Variants in NHSL1 observed in about 807,000 individuals in gnomAD.
NHSL1 encodes the protein NHS-like protein 1.
NHSL1 carries 48 observed loss-of-function variants against 95.0 expected under a neutral mutation model. The ratio of observed to expected loss-of-function variants is 0.51; its 90% CI spans 0.40 to 0.64. The LOEUF (loss-of-function observed/expected upper bound fraction) is 0.64. Ranked by LOEUF, NHSL1 falls within the 30% of genes least tolerant of loss-of-function variation. The probability of loss-of-function intolerance (pLI) is 0.00; values close to 1 mark genes in which losing one functional copy is unlikely to be tolerated. For missense variants in NHSL1, 1,971 were observed against 2,077.7 expected, an observed-to-expected ratio of 0.95 and a Z score of 1.00; for synonymous variants, 783 against 833.9, an observed-to-expected ratio of 0.94 and a Z score of 1.05.
chr6:138,543,547 G>A (rs1294047210), intron 1 of NHSL1, among the ~76,000 whole-genome samples: 1 of 152,118 alleles, frequency 6.6e-6, no homozygotes, highest in Non-Finnish European at 1.5e-5. Context: ...AAACACACAG[G>A]AACATGATTT....
At chr6:138,646,590 C>G (rs1017508069) in intron 1 of NHSL1, among the ~76,000 whole-genome samples, 5 of 152,154 alleles carry the variant, frequency 3.3e-5, no homozygotes, top group Non-Finnish European at 7.3e-5. Flanking sequence ...GAATACACAA[C>G]TCCCTCAATA....
chr6:138,424,747 C>A lies in NHSL1; in HGVS notation c.4155G>T (p.Pro1385=), dbSNP rs924857830. 3 of 1,551,084 alleles carry A rather than the reference C, an allele frequency of 1.9e-6. No homozygotes were observed. The highest frequency in any genetic ancestry group is 2.6e-6 in the Non-Finnish European group (3 of 1,146,728). The change falls in exon 8 of 8, where the codon CCG becomes CCT. Residue 1385 remains proline (P), a synonymous_variant. Coordinates refer to ENST00000343505, the MANE Select transcript of NHSL1 (RefSeq NM_001144060.2). The surrounding 1 kb of genome is among the most constrained non-coding windows in gnomAD (Gnocchi z 5.9). ...GGGCAGCGCCGGTGGGTGTCACGGG[C>A]GGGGAGGGAGAATGGTTTCGGGAGT... The part of the protein sequence containing the change: ...DDHSRNHSPS[P]PVTPTGAAPS...
chr6:138,665,330 A>G (rs1484352027), intron 1 of NHSL1, among the ~76,000 whole-genome samples: 1 of 152,180 alleles, frequency 6.6e-6, no homozygotes, highest in African/African-American at 2.4e-5. Flanking sequence ...TCATATTGCC[A>G]ACATCCTGCT....
intron 2 of NHSL1, among the ~76,000 whole-genome samples, chr6:138,491,074 T>C (rs947304958): frequency 8.5e-5 from 13 of 152,222 alleles, no homozygotes; most frequent in African/African-American, 2.9e-4. Context: ...CCCTCTGACT[T>C]TGAATGACAT....
In NHSL1 at chr6:138,431,734, A is replaced by AT; in HGVS notation, c.2610dup (p.Ser871IlefsTer38). ...CCCTTCCCGTTTGCTGGTGACACTG[A>AT]TTTTAAAAACACAGGCACAGGGGTG... On this transcript the variant is annotated frameshift_variant, in exon 6 of 8. Transcript: ENST00000343505. LOFTEE classifies it high-confidence loss of function. This position sits in a 1 kb window ranked among gnomAD's most constrained non-coding sequence, Gnocchi z 4.0. 6.4e-7 allele frequency: 1 copy of AT among 1,551,712 alleles called. No individual in the cohort carries two copies. Among genetic ancestry groups the AT allele is most frequent in the Non-Finnish European group, 8.7e-7 (1 of 1,146,986 alleles).
rs928453619 is a variant in NHSL1, at chr6:138,692,346, C to T, written c.96+130G>A. The T allele has an allele frequency of 2.9e-6, 1 of 345,954 alleles. No individual in the cohort carries two copies. The highest frequency in any genetic ancestry group is 5.7e-6 in the Non-Finnish European group (1 of 175,720). 21.4% of individuals were successfully genotyped at this position (345,954 alleles called of 1,614,324 possible). On this transcript the variant is annotated intron_variant, in intron 1 of 3. Coordinates refer to the NHSL1 transcript ENST00000491526. This position sits in a 1 kb window ranked among gnomAD's most constrained non-coding sequence, Gnocchi z 4.0. ...CCTCCCGCTGGGGTCCGGCAGTCCC[C>T]ACTGGAGACCCCGACATCGCGGGGC... is the stretch of plus-strand genomic sequence containing the variant.
chr6:138,549,511 G>A (rs549898870), upstream of NHSL1, among the ~76,000 whole-genome samples: 2 of 152,272 alleles, frequency 1.3e-5, no homozygotes, highest in African/African-American at 4.8e-5. Context: ...GGAAGAGGCA[G>A]GACAGAATTC....
At chr6:138,631,899 G>A (rs1784824619) in intron 1 of NHSL1, among the ~76,000 whole-genome samples, 1 of 152,146 alleles carries the variant, frequency 6.6e-6, no homozygotes, top group African/African-American at 2.4e-5. Flanking sequence ...CGGGGAGGTA[G>A]AGCACCAAGT....
chr6:138,567,107 G>A (rs1028249880), intron 1 of NHSL1, among the ~76,000 whole-genome samples: 2 of 149,848 alleles, frequency 1.3e-5, no homozygotes, highest in African/African-American at 2.5e-5. Context: ...GAGGATTTTT[G>A]TTTGGTTTGA....
At chr6:138,588,947 C>A (rs907880673) in intron 1 of NHSL1, among the ~76,000 whole-genome samples, 2 of 152,140 alleles carry the variant, frequency 1.3e-5, no homozygotes, top group Non-Finnish European at 2.9e-5. Flanking sequence ...CCATATGGAG[C>A]CACCCTCAGA....
intron 1 of NHSL1, among the ~76,000 whole-genome samples, chr6:138,643,088 C>T (rs747414601): frequency 2.6e-5 from 4 of 152,142 alleles, no homozygotes; most frequent in Non-Finnish European, 5.9e-5. Flanking sequence ...CAAGCCAATA[C>T]GATAGATAGT....
intron 2 of NHSL1, among the ~76,000 whole-genome samples, chr6:138,485,148 C>A (rs901011893): frequency 6.6e-6 from 1 of 152,108 alleles, no homozygotes; most frequent in Admixed American, 6.6e-5. Context: ...AAGATCAAAT[C>A]GCCTGCAAAG....
At chr6:138,580,164 A>G (rs1372804620) in intron 1 of NHSL1, among the ~76,000 whole-genome samples, 1 of 152,208 alleles carries the variant, frequency 6.6e-6, no homozygotes, top group Admixed American at 6.5e-5. Flanking sequence ...CAGTATGTGC[A>G]TCACCTCCAG....
chr6:138,466,860 G>A (rs1342371135), intron 3 of NHSL1, among the ~76,000 whole-genome samples: 2 of 151,954 alleles, frequency 1.3e-5, no homozygotes, highest in Non-Finnish European at 2.9e-5. Context: ...AAGGCGGGTG[G>A]ATCACCTGAG....
intron 1 of NHSL1, among the ~76,000 whole-genome samples, chr6:138,509,479 T>A (rs896394603): frequency 1.3e-5 from 2 of 152,124 alleles, no homozygotes; most frequent in African/African-American, 4.8e-5. Flanking sequence ...TCGAAAGGGA[T>A]TTTTTAACGT....
intron 1 of NHSL1, among the ~76,000 whole-genome samples, chr6:138,633,587 T>C (rs748368435): frequency 2.6e-5 from 4 of 152,148 alleles, no homozygotes; most frequent in Non-Finnish European, 4.4e-5. Context: ...CCTGGTGAAA[T>C]ATTCTTCAAA....
intron 1 of NHSL1, among the ~76,000 whole-genome samples, chr6:138,659,928 C>T (rs1238843492): frequency 1.3e-5 from 2 of 152,148 alleles, no homozygotes; most frequent in East Asian, 1.9e-4. Flanking sequence ...GTTGGCCAGG[C>T]TGGTCTCAAA....
chr6:138,617,305 A>G (rs1168972691), intron 1 of NHSL1, among the ~76,000 whole-genome samples: 1 of 152,184 alleles, frequency 6.6e-6, no homozygotes, highest in Non-Finnish European at 1.5e-5. Flanking sequence ...CACAGGTAAC[A>G]TGTACATGAA....
rs1316365177 is a variant in NHSL1 at position 138,663,892 on chromosome 6, G to A, written c.96+28584C>T. 2.0e-5 allele frequency among the ~76,000 whole-genome samples: 3 copies of A among 151,836 alleles called. No homozygotes were observed. In the East Asian group the frequency reaches 5.8e-4, roughly 29 times the overall value. ...TCTCAAAGAAAAAAAATCATTCTAG[G>A]AAAATCTACACAAAACATGTTCATA... is the stretch of plus-strand genomic sequence containing the variant. On this transcript the variant is annotated intron_variant, in intron 1 of 3. Transcript: ENST00000491526.
Sources: gnomAD v4.1 joint callset for allele counts (sites outside exome capture counted in the v4.1 genomes callset) on GRCh38, gnomAD v4.1.1 for gene constraint, Gnocchi (gnomAD v3.1) non-coding constraint, MANE v1.5 for transcripts, NCBI Gene and HGNC (gene_info 2026-07-23, HGNC 2026-07-21) for gene names.